Variants in HERC6 observed in about 807,000 individuals in gnomAD.
The protein encoded by HERC6 is probable E3 ubiquitin-protein ligase HERC6.
HERC6 carries 101 observed loss-of-function variants against 114.5 expected under a neutral mutation model. That is an observed-to-expected ratio of 0.88 (90% confidence interval 0.75 to 1.04). HERC6 has a LOEUF of 1.04. Ranked by LOEUF, HERC6 falls within the 50% of genes least tolerant of loss-of-function variation. The probability of loss-of-function intolerance (pLI) is 0.00; values close to 1 mark genes in which losing one functional copy is unlikely to be tolerated. For missense variants in HERC6, 1,133 were observed against 1,230.9 expected (o/e 0.92, Z 1.19); for synonymous variants, 408 against 436.2 (o/e 0.94, Z 0.81).
chr4:88,387,081 T>C (rs1464660753), intron 3 of HERC6, among the ~76,000 whole-genome samples: 2 of 152,184 alleles, frequency 1.3e-5, no homozygotes, highest in African/African-American at 4.8e-5. Context: ...TATGTGTGTT[T>C]TTTCACATAA....
chr4:88,393,502 CCTCT>C lies in HERC6; in HGVS notation c.683_686del (p.Leu228GlnfsTer5). On this transcript the variant is annotated frameshift_variant, in exon 5 of 23. Coordinates refer to ENST00000264346, the MANE Select transcript of HERC6 (RefSeq NM_017912.4). LOFTEE classifies it high-confidence loss of function. ...TCTTTCAACAGTGCAAAGCAACAAG[CCTCT>C]CTCAGTCGGTGCACTGAAGAATCTA... 6.2e-7 allele frequency: 1 copy of C among 1,610,016 alleles called. No individual in the cohort carries two copies. Among genetic ancestry groups the C allele is most frequent in the South Asian group, 1.1e-5 (1 of 90,548 alleles).
At chr4:88,421,124 T>C (rs1737003990) in intron 13 of HERC6, among the ~76,000 whole-genome samples, 1 of 152,258 alleles carries the variant, frequency 6.6e-6, no homozygotes, top group African/African-American at 2.4e-5. Context: ...GAGTACTTCA[T>C]TCTTTTTTAT....
chr4:88,405,658 T>C, intron 10 of HERC6, 45 bp downstream of exon 10: 1 of 1,042,738 alleles, frequency 9.6e-7, no homozygotes, highest in Non-Finnish European at 1.4e-6. Context: ...CACTGGAAAA[T>C]ATTTAAAATG....
intron 3 of HERC6, among the ~76,000 whole-genome samples, chr4:88,389,347 G>A (rs964792826): frequency 6.6e-6 from 1 of 152,098 alleles, no homozygotes; most frequent in Non-Finnish European, 1.5e-5. Context: ...ATTTTTAAAA[G>A]GATCACTCTG....
chr4:88,439,705 T>G (rs1739135312), intron 20 of HERC6, 169 bp from the exon 21 acceptor site: 2 of 530,294 alleles, frequency 3.8e-6, no homozygotes, highest in Non-Finnish European at 5.9e-6. Context: ...CTAAATTTCT[T>G]TCTTCTAGCT....
chr4:88,424,454 G>A (rs1737387780), intron 14 of HERC6, 141 bp from the exon 15 acceptor site: 1 of 667,510 alleles, frequency 1.5e-6, no homozygotes, highest in African/African-American at 1.9e-5. Flanking sequence ...ACTCCAGCCT[G>A]GGCAATAGAA....
chr4:88,405,732 G>T, intron 10 of HERC6, 119 bp downstream of exon 10: 1 of 471,150 alleles, frequency 2.1e-6, no homozygotes, highest in South Asian at 4.9e-5. Flanking sequence ...CCAACACAGA[G>T]AACTCTGTAG....
chr4:88,439,779 CA>C, intron 20 of HERC6, 94 bp from the exon 21 acceptor site: 1 of 1,188,828 alleles, frequency 8.4e-7, no homozygotes, highest in Non-Finnish European at 1.1e-6. Context: ...TTTTCCTTCT[CA>C]ATAGAAATAG....
At chr4:88,440,337 C>A in intron 22 of HERC6, 87 bp downstream of exon 22, 1 of 787,518 alleles carries the variant, frequency 1.3e-6, no homozygotes, top group Non-Finnish European at 2.1e-6. Flanking sequence ...TTGAAGTGGC[C>A]TCATTGTCTG....
chr4:88,435,720 T>A lies in HERC6; in HGVS notation c.2251-5T>A. On this transcript the variant is annotated splice_polypyrimidine_tract_variant and splice_region_variant and intron_variant, in intron 17 of 22. Coordinates refer to ENST00000264346, the MANE Select transcript of HERC6 (RefSeq NM_017912.4). ...TACCTTAGGGATTTTTTTCTTCTTT[T>A]CTAGCCTAAACCTGAGAAGAAAAGA... 2.0e-6 allele frequency: 3 copies of A among 1,478,100 alleles called. No homozygotes were observed. Among genetic ancestry groups the A allele is most frequent in the Non-Finnish European group, 2.7e-6 (3 of 1,111,078 alleles). The allele number at this position is 1,478,100 out of a possible 1,614,324, so 91.6% of individuals were successfully genotyped here.
At chr4:88,383,852 A>T (rs1734446034) in intron 2 of HERC6, among the ~76,000 whole-genome samples, 1 of 148,446 alleles carries the variant, frequency 6.7e-6, no homozygotes, top group African/African-American at 2.5e-5. Context: ...GGAAGAAGGG[A>T]GGAAAAAACC....
chr4:88,387,463 A>G lies in HERC6; in HGVS notation c.436+1888A>G, dbSNP rs75489096. Among the ~76,000 whole-genome samples, 1,183 of 152,300 alleles carry G rather than the reference A, an allele frequency of 7.8e-3. 18 individuals are homozygous for G. Among genetic ancestry groups the G allele is most frequent in the African/African-American group, 0.027 (1,134 of 41,566 alleles). On this transcript the variant is annotated intron_variant, in intron 3 of 22. Coordinates refer to ENST00000264346, the MANE Select transcript of HERC6 (RefSeq NM_017912.4). ...TATCCTCATTTCAGAAATGGAAAAAATTGAGTTCAGGGATTTTAAATTATT... is the reference window on the plus strand; with the variant it reads ...TATCCTCATTTCAGAAATGGAAAAAGTTGAGTTCAGGGATTTTAAATTATT...
chr4:88,438,977 A>C (rs1739042410), intron 20 of HERC6, among the ~76,000 whole-genome samples: 1 of 152,218 alleles, frequency 6.6e-6, no homozygotes, highest in Admixed American at 6.5e-5. Context: ...CAGGAAATTA[A>C]TCATTTAGTA....
intron 11 of HERC6, among the ~76,000 whole-genome samples, chr4:88,412,458 A>G: frequency 6.6e-6 from 1 of 152,182 alleles, no homozygotes; most frequent in African/African-American, 2.4e-5. Context: ...ATTTTCTAAA[A>G]TGGGCTGGCT....
intron 10 of HERC6, among the ~76,000 whole-genome samples, chr4:88,406,426 C>T (rs147639025): frequency 2.3e-3 from 350 of 152,312 alleles, no homozygotes; most frequent in Non-Finnish European, 3.7e-3. Context: ...CTTGGCAGTC[C>T]CATTAGTTCT....
At position 88,434,201 on chromosome 4, in the gene HERC6, G is replaced by A. The variant is rs1738518631; in HGVS notation, c.2251-1524G>A. ...ACAGGATGGGGAAGGAAGCACTGAT[G>A]TGGGATCAGAAGCCTAGAGTTCTAA... is the stretch of plus-strand genomic sequence containing the variant. On this transcript the variant is annotated intron_variant, in intron 17 of 22. Transcript: ENST00000264346. Among the ~76,000 whole-genome samples the A allele has an allele frequency of 3.3e-5, 5 of 152,228 alleles. No individual in the cohort carries two copies. The South Asian group carries it at 1.0e-3, about 31-fold the overall frequency.
intron 11 of HERC6, among the ~76,000 whole-genome samples, chr4:88,411,268 C>T (rs1736086198): frequency 6.6e-6 from 1 of 151,980 alleles, no homozygotes; most frequent in Non-Finnish European, 1.5e-5. Flanking sequence ...TAAAAAACCC[C>T]ATAAAAAAGG....
intron 2 of HERC6, among the ~76,000 whole-genome samples, chr4:88,385,141 G>A (rs1442978981): frequency 6.6e-6 from 1 of 152,158 alleles, no homozygotes; most frequent in Non-Finnish European, 1.5e-5. Context: ...AGATGATGAA[G>A]TTGTTGGTGT....
intron 2 of HERC6, among the ~76,000 whole-genome samples, chr4:88,383,904 G>C (rs568822159): frequency 6.6e-6 from 1 of 151,552 alleles, no homozygotes; most frequent in East Asian, 1.9e-4. Context: ...AGTGAAATGA[G>C]ATGTGACCCT....
Sources: gnomAD v4.1 joint callset for allele counts (sites outside exome capture counted in the v4.1 genomes callset) on GRCh38, gnomAD v4.1.1 for gene constraint, MANE v1.5 for transcripts, NCBI Gene and HGNC (gene_info 2026-07-23, HGNC 2026-07-21) for gene names.